The following TFPI variants were observed in gnomAD, a reference collection of about 807,000 sequenced individuals.
The protein encoded by TFPI is tissue factor pathway inhibitor.
TFPI carries 15 observed loss-of-function variants against 34.6 expected under a neutral mutation model. That is an observed-to-expected ratio of 0.43 (90% CI 0.29 to 0.67). The LOEUF (loss-of-function observed/expected upper bound fraction) is 0.67, where lower values mean the gene tolerates loss of function less well. Ranked by LOEUF, TFPI falls within the 30% of genes least tolerant of loss-of-function variation. TFPI has a pLI of 0.15. For missense variants in TFPI, 301 were observed against 364.0 expected (o/e 0.83, Z 1.41); for synonymous variants, 105 against 120.1 (o/e 0.87, Z 0.82).
rs528234921 is a variant in TFPI, at chr2:187,519,249, C to T, written c.-2-15479G>A. 152 of 152,480 alleles carry T rather than the reference C, an allele frequency of 1.0e-3. 5 individuals are homozygous for T. The South Asian group carries it at 0.027, about 27-fold the overall frequency. 9.4% of individuals were successfully genotyped at this position (152,480 alleles called of 1,614,324 possible). ...GTTTTGGGAATTTTCAGCCTTTTTG[C>T]GCTGGTTTTTCCTCATCTGCATGGA... On this transcript the variant is annotated intron_variant, in intron 1 of 7. Coordinates refer to ENST00000233156, the MANE Select transcript of TFPI (RefSeq NM_006287.6).
chr2:187,487,828 A>C (rs1048778771), intron 4 of TFPI, among the ~76,000 whole-genome samples: 4 of 151,460 alleles, frequency 2.6e-5, no homozygotes, highest in Non-Finnish European at 5.9e-5. Flanking sequence ...AACTGCTGAC[A>C]ACTCAGAGAC....
chr2:187,467,210 C>T lies in TFPI; in HGVS notation c.809-168G>A, dbSNP rs571296338. Among the ~76,000 whole-genome samples the T allele has an allele frequency of 6.6e-5, 10 of 152,004 alleles. No homozygotes were observed. The East Asian group carries it at 9.6e-4, about 15-fold the overall frequency. ...GTGTAGAACAATTTATTTTTAAGGA[C>T]GTTACTTTGCATATATGAGTTAATA... On this transcript the variant is annotated intron_variant, in intron 7 of 7. Coordinates refer to ENST00000233156, the MANE Select transcript of TFPI (RefSeq NM_006287.6).
Position 187,484,757 on chromosome 2 carries a change from A to C in TFPI, c.535+54T>G, listed in dbSNP as rs1693135248. ...TATAGAATGCCATCTGAGATGCCTTAGTTTTAAAAGGATGCCTATAAATGA... is the reference window on the plus strand; with the variant it reads ...TATAGAATGCCATCTGAGATGCCTTCGTTTTAAAAGGATGCCTATAAATGA... On this transcript the variant is annotated intron_variant, in intron 5 of 7. Transcript: ENST00000233156. 1.1e-5 allele frequency: 16 copies of C among 1,495,968 alleles called. No individual in the cohort carries two copies. In the East Asian group the frequency reaches 4.1e-4, roughly 38 times the overall value. 92.7% of individuals were successfully genotyped at this position (1,495,968 alleles called of 1,614,324 possible). A position where few individuals can be genotyped will look rare whatever the true frequency, so the allele number is the denominator to read the frequency against.
At chr2:187,523,338 A>G (rs1408038702) in intron 1 of TFPI, among the ~76,000 whole-genome samples, 1 of 152,164 alleles carries the variant, frequency 6.6e-6, no homozygotes, top group Non-Finnish European at 1.5e-5. Context: ...ATATACATGT[A>G]TAGCAATAGG....
chr2:187,529,185 G>C (rs1175934752), intron 1 of TFPI, among the ~76,000 whole-genome samples: 1 of 152,196 alleles, frequency 6.6e-6, no homozygotes, highest in Non-Finnish European at 1.5e-5. Flanking sequence ...CCCAGTTCAA[G>C]GTGGCTTTTA....
intron 6 of TFPI, among the ~76,000 whole-genome samples, chr2:187,468,254 TACAG>T (rs1039854556): frequency 2.9e-5 from 3 of 104,652 alleles, no homozygotes; most frequent in Non-Finnish European, 3.9e-5. Flanking sequence ...GAAAATTTCT[TACAG>T]ACACACACAC....
rs563433428 is a variant in TFPI at position 187,467,882 on chromosome 2, G to T, written c.679C>A (p.Arg227Ser). 2.5e-6 allele frequency: 4 copies of T among 1,610,208 alleles called. No homozygotes were observed. The Admixed American group carries it at 6.8e-5, about 27-fold the overall frequency. ...CLTPADRGLC[R>S]ANENRFYYNS... The stretch of plus-strand genomic sequence containing the variant: ...TAGTAGAATCTGTTCTCATTGGCAC[G>T]ACACAATCCTCTGTCTGCTGGAGTG... Residue 227 changes from arginine (R) to serine (S), a missense_variant, in exon 7 of 8, where the codon CGT becomes AGT. Coordinates refer to ENST00000233156, the MANE Select transcript of TFPI (RefSeq NM_006287.6).
In TFPI at chr2:187,548,210, G is replaced by T. The variant is rs369605118; in HGVS notation, c.-3+5990C>A. 2.3e-4 allele frequency among the ~76,000 whole-genome samples: 35 copies of T among 151,850 alleles called. 1 individual carries two copies. In the South Asian group the frequency reaches 7.1e-3, roughly 31 times the overall value. On this transcript the variant is annotated intron_variant, in intron 1 of 7. Transcript: ENST00000233156. ...TTAAAATTGTTTAATCTCTTCCTTG[G>T]CTTTCAAAAATATAAAGTCTTCTTT...
chr2:187,474,655 AAAATTAAGCACC>A (rs1350625354), intron 6 of TFPI, among the ~76,000 whole-genome samples: 1 of 152,178 alleles, frequency 6.6e-6, no homozygotes, highest in African/African-American at 2.4e-5. Context: ...GGGAGTAGCT[AAAATTAAGCACC>A]AGATTGAATT....
At chr2:187,499,457 T>G (rs934732782) in intron 2 of TFPI, 1 of 152,080 alleles carries the variant, frequency 6.6e-6, no homozygotes, top group African/African-American at 2.4e-5. Flanking sequence ...GAGTGGCACA[T>G]TTATGAATAA....
At chr2:187,505,036 T>G (rs8176409) in intron 1 of TFPI, among the ~76,000 whole-genome samples, 5,332 of 152,070 alleles carry the variant, frequency 0.035, 285 homozygotes, top group African/African-American at 0.11. Flanking sequence ...ATAAACCATT[T>G]GAATTCACAA....
At chr2:187,474,544 G>A (rs1692249328) in intron 6 of TFPI, among the ~76,000 whole-genome samples, 1 of 152,152 alleles carries the variant, frequency 6.6e-6, no homozygotes, top group Non-Finnish European at 1.5e-5. Context: ...TTCTGATCTT[G>A]TTGAATACAT....
rs538796666 is a variant in TFPI, at chr2:187,507,256, G to A, written c.-2-3486C>T. ...CATGAACACATCCTTTTTTATGTCT[G>A]CATAGTATTCCATGGTGTATATGTG... On this transcript the variant is annotated intron_variant, in intron 1 of 7. Transcript: ENST00000233156. Among the ~76,000 whole-genome samples the A allele has an allele frequency of 6.8e-4, 104 of 152,206 alleles. 1 individual carries two copies. In the South Asian group the frequency reaches 0.018, roughly 27 times the overall value.
chr2:187,515,023 A>G (rs766738609), intron 1 of TFPI: 3 of 152,256 alleles, frequency 2.0e-5, no homozygotes, highest in Non-Finnish European at 2.9e-5. Context: ...AAAACCTTTT[A>G]CACTATATGT....
At chr2:187,477,015 G>T (rs746923902) in intron 6 of TFPI, among the ~76,000 whole-genome samples, 8 of 152,050 alleles carry the variant, frequency 5.3e-5, no homozygotes, top group Non-Finnish European at 8.8e-5. Context: ...GGAAGTCTGT[G>T]ATTTTTTTTC....
chr2:187,511,845 CAG>C (rs1686660245), intron 1 of TFPI, among the ~76,000 whole-genome samples: 1 of 149,206 alleles, frequency 6.7e-6, no homozygotes, highest in Non-Finnish European at 1.5e-5. Flanking sequence ...AGGAAAGAGA[CAG>C]AGAGGGAAAG....
At chr2:187,530,331 A>G (rs1687898469) in intron 1 of TFPI, among the ~76,000 whole-genome samples, 1 of 152,196 alleles carries the variant, frequency 6.6e-6, no homozygotes, top group African/African-American at 2.4e-5. Flanking sequence ...AAAATTGCGC[A>G]CAATAAAATT....
At chr2:187,476,899 A>G (rs1461039949) in intron 6 of TFPI, among the ~76,000 whole-genome samples, 1 of 152,172 alleles carries the variant, frequency 6.6e-6, no homozygotes, top group Admixed American at 6.5e-5. Context: ...TAACTTGTAA[A>G]CAATTTTTGG....
intron 6 of TFPI, among the ~76,000 whole-genome samples, chr2:187,482,455 A>G (rs1400803824): frequency 6.6e-6 from 1 of 152,106 alleles, no homozygotes; most frequent in Non-Finnish European, 1.5e-5. Flanking sequence ...TCACAAAAGT[A>G]TTAATTTTTA....
Sources: allele counts gnomAD v4.1 joint callset (sites outside exome capture counted in the v4.1 genomes callset), GRCh38; gene constraint gnomAD v4.1.1; transcripts MANE v1.5; gene names NCBI Gene and HGNC (gene_info 2026-07-23, HGNC 2026-07-21).